The following SYNDIG1 variants were observed in gnomAD, a reference collection of about 807,000 sequenced individuals.
SYNDIG1 encodes the protein synapse differentiation inducing 1.
A neutral mutation model predicts 19.4 loss-of-function variants in SYNDIG1; 9 were observed. The ratio of observed to expected loss-of-function variants is 0.46; its 90% CI spans 0.28 to 0.81. The LOEUF (loss-of-function observed/expected upper bound fraction) is 0.81. Among genes scored for constraint, SYNDIG1 ranks in the 30% least tolerant of loss-of-function variants. The probability of loss-of-function intolerance (pLI) is 0.12; values close to 1 mark genes in which losing one functional copy is unlikely to be tolerated. For synonymous variants in SYNDIG1, 141 were observed against 145.9 expected (o/e 0.97, Z 0.24); for missense variants, 311 against 343.3 (o/e 0.91, Z 0.74).
In SYNDIG1 at chr20:24,512,653, T is replaced by C. The variant is rs947691157; in HGVS notation, c.-78-30367T>C. On this transcript the variant is annotated intron_variant, in intron 1 of 3. Coordinates refer to ENST00000376862, the MANE Select transcript of SYNDIG1 (RefSeq NM_024893.3). Reference sequence around the variant, plus strand: ...ACAAAGCTGGGAAGCTCAAATTGGGTGGAGCTCAAAGAGGCCTACCTGCCT... The same window carrying C: ...ACAAAGCTGGGAAGCTCAAATTGGGCGGAGCTCAAAGAGGCCTACCTGCCT... 4.0e-5 allele frequency among the ~76,000 whole-genome samples: 6 copies of C among 151,842 alleles called. 1 individual carries two copies.
At chr20:24,662,525 G>T (rs117978954) in intron 3 of SYNDIG1, among the ~76,000 whole-genome samples, 2 of 152,128 alleles carry the variant, frequency 1.3e-5, no homozygotes, top group African/African-American at 2.4e-5. Flanking sequence ...TGCTTCCTGC[G>T]TTCTCAATGA....
chr20:24,546,003 G>T (rs1033861558), intron 2 of SYNDIG1, among the ~76,000 whole-genome samples: 1 of 152,186 alleles, frequency 6.6e-6, no homozygotes, highest in African/African-American at 2.4e-5. Context: ...CCTGGACCAA[G>T]AAATGGCCCC....
chr20:24,556,873 T>A (rs1437176665), intron 2 of SYNDIG1, among the ~76,000 whole-genome samples: 1 of 152,248 alleles, frequency 6.6e-6, no homozygotes. Context: ...ATTGGGGAAG[T>A]TCTCCTGGAT....
chr20:24,496,080 C>T (rs188868590), intron 1 of SYNDIG1, among the ~76,000 whole-genome samples: 16 of 152,230 alleles, frequency 1.1e-4, no homozygotes, highest in African/African-American at 3.1e-4. Flanking sequence ...CTCCTGACCT[C>T]GTGATCAGCC....
intron 2 of SYNDIG1, among the ~76,000 whole-genome samples, chr20:24,547,574 A>G (rs943042576): frequency 3.3e-5 from 5 of 152,246 alleles, no homozygotes; most frequent in South Asian, 4.1e-4. Flanking sequence ...CACTGCGCTC[A>G]GGGTGACAAG....
At chr20:24,477,591 T>C (rs1202000322) in intron 1 of SYNDIG1, among the ~76,000 whole-genome samples, 2 of 152,160 alleles carry the variant, frequency 1.3e-5, no homozygotes, top group African/African-American at 4.8e-5. Context: ...CTGTAACCCA[T>C]CTGTGATTGC....
chr20:24,543,903 A>C (rs2057522400), intron 2 of SYNDIG1, among the ~76,000 whole-genome samples: 1 of 152,158 alleles, frequency 6.6e-6, no homozygotes, highest in Non-Finnish European at 1.5e-5. Context: ...GAGGTCATTG[A>C]CAAGATGAGA....
chr20:24,547,299 G>T (rs2057598552), intron 2 of SYNDIG1, among the ~76,000 whole-genome samples: 1 of 152,256 alleles, frequency 6.6e-6, no homozygotes, highest in Non-Finnish European at 1.5e-5. Context: ...GGTCCGAAGA[G>T]GTCGGCCTGT....
chr20:24,558,761 A>C (rs2057877075), intron 2 of SYNDIG1, among the ~76,000 whole-genome samples: 1 of 152,206 alleles, frequency 6.6e-6, no homozygotes, highest in African/African-American at 2.4e-5. Flanking sequence ...AAGTTACTTC[A>C]AGTTAGTGCT....
At chr20:24,663,284 C>A (rs1422789346) in intron 3 of SYNDIG1, among the ~76,000 whole-genome samples, 3 of 152,206 alleles carry the variant, frequency 2.0e-5, no homozygotes, top group African/African-American at 7.2e-5. Context: ...CCCTAGGTTT[C>A]TTGTTAGAGC....
chr20:24,551,035 G>C (rs919995695), intron 2 of SYNDIG1, among the ~76,000 whole-genome samples: 2 of 151,994 alleles, frequency 1.3e-5, no homozygotes, highest in African/African-American at 4.8e-5. Flanking sequence ...GAATAAGTTG[G>C]GAATTATTTC....
intron 1 of SYNDIG1, among the ~76,000 whole-genome samples, chr20:24,476,395 C>T (rs1600375213): frequency 6.6e-6 from 1 of 152,022 alleles, no homozygotes; most frequent in Non-Finnish European, 1.5e-5. Context: ...TGGCCGGGCG[C>T]GGTGGCTTAC....
chr20:24,475,987 A>C (rs1178269947), intron 1 of SYNDIG1, among the ~76,000 whole-genome samples: 1 of 151,910 alleles, frequency 6.6e-6, no homozygotes, highest in African/African-American at 2.4e-5. Context: ...CAACCTCCCA[A>C]GTAGCTGGGA....
chr20:24,525,313 A>G (rs1415089666), intron 1 of SYNDIG1, among the ~76,000 whole-genome samples: 1 of 122,070 alleles, frequency 8.2e-6, no homozygotes, highest in Non-Finnish European at 1.6e-5. Context: ...TTTTTTTGAG[A>G]CAGAGTCTTA....
intron 2 of SYNDIG1, among the ~76,000 whole-genome samples, chr20:24,575,666 C>G (rs1408360055): frequency 6.6e-6 from 1 of 151,936 alleles, no homozygotes; most frequent in Admixed American, 6.6e-5. Flanking sequence ...TTTTATGCAC[C>G]TAACTGGATT....
At chr20:24,577,836 G>A in intron 2 of SYNDIG1, among the ~76,000 whole-genome samples, 1 of 152,180 alleles carries the variant, frequency 6.6e-6, no homozygotes, top group East Asian at 1.9e-4. Flanking sequence ...GTATGCCCTG[G>A]AGAGCATAGG....
At chr20:24,610,689 A>G (rs2058833602) in intron 3 of SYNDIG1, among the ~76,000 whole-genome samples, 1 of 152,228 alleles carries the variant, frequency 6.6e-6, no homozygotes, top group Admixed American at 6.5e-5. Context: ...GAGTTGCCCC[A>G]AGTTGGCTGA....
At chr20:24,579,240 A>G (rs1394057002) in intron 2 of SYNDIG1, among the ~76,000 whole-genome samples, 1 of 152,172 alleles carries the variant, frequency 6.6e-6, no homozygotes, top group Non-Finnish European at 1.5e-5. Context: ...GGAGCCTTCA[A>G]TGGCAGATGC....
chr20:24,503,158 C>T (rs1388546159), intron 1 of SYNDIG1, among the ~76,000 whole-genome samples: 1 of 152,192 alleles, frequency 6.6e-6, no homozygotes, highest in Non-Finnish European at 1.5e-5. Context: ...TTCTCTGTTG[C>T]TCCTTCCTGA....
Sources: allele counts gnomAD v4.1 joint callset (sites outside exome capture counted in the v4.1 genomes callset), GRCh38; gene constraint gnomAD v4.1.1; transcripts MANE v1.5; gene names NCBI Gene and HGNC (gene_info 2026-07-23, HGNC 2026-07-21).